ERC2: variants seen among roughly 807,000 people sequenced by gnomAD.
ERC2 encodes ERC protein 2.
In ERC2, 42 loss-of-function variants were observed where a neutral mutation model predicts 114.8. The ratio of observed to expected loss-of-function variants is 0.37; its 90% CI spans 0.29 to 0.47. The LOEUF (loss-of-function observed/expected upper bound fraction) is 0.47. Ranked by LOEUF, ERC2 falls within the 20% of genes least tolerant of loss-of-function variation. The pLI, the probability that ERC2 is intolerant of heterozygous loss-of-function variation, is 0.99. For synonymous variants in ERC2, 454 were observed against 425.5 expected (o/e 1.07, Z -0.82); for missense variants, 939 against 1,150.7 (o/e 0.82, Z 2.66).
intron 2 of ERC2, among the ~76,000 whole-genome samples, chr3:56,431,574 AAGTTTGTT>A (rs1015721908): frequency 2.0e-5 from 3 of 152,208 alleles, no homozygotes; most frequent in African/African-American, 7.2e-5. Flanking sequence ...CTGAGATTTG[AAGTTTGTT>A]AGTTACTGCA....
At chr3:56,012,393 G>A (rs576426854) in intron 8 of ERC2, among the ~76,000 whole-genome samples, 1 of 152,112 alleles carries the variant, frequency 6.6e-6, no homozygotes, top group Non-Finnish European at 1.5e-5. Context: ...CCACTCGGCA[G>A]CCTTCACGTG....
At chr3:55,574,839 G>T in intron 17 of ERC2, among the ~76,000 whole-genome samples, 1 of 152,112 alleles carries the variant, frequency 6.6e-6, no homozygotes, top group East Asian at 1.9e-4. Context: ...GTGCCCTCCA[G>T]ACACAGGCCA....
chr3:55,650,185 C>T (rs1256527353), intron 17 of ERC2, among the ~76,000 whole-genome samples: 4 of 152,206 alleles, frequency 2.6e-5, no homozygotes, highest in Non-Finnish European at 5.9e-5. Context: ...ACCACTGAAA[C>T]GCCCACCCCA....
chr3:55,854,103 C>T (rs909624938), intron 14 of ERC2, among the ~76,000 whole-genome samples: 12 of 151,988 alleles, frequency 7.9e-5, no homozygotes, highest in African/African-American at 2.9e-4. Flanking sequence ...GGTAAAAACC[C>T]GTCGCTACTA....
At chr3:56,221,994 A>C (rs1391495895) in intron 3 of ERC2, among the ~76,000 whole-genome samples, 1 of 152,242 alleles carries the variant, frequency 6.6e-6, no homozygotes, top group Non-Finnish European at 1.5e-5. Flanking sequence ...TTAAAAAATA[A>C]AAACTGAGGA....
intron 17 of ERC2, among the ~76,000 whole-genome samples, chr3:55,583,991 T>A (rs2057460546): frequency 6.6e-6 from 1 of 152,174 alleles, no homozygotes; most frequent in African/African-American, 2.4e-5. Flanking sequence ...GTTAAGTCAC[T>A]CAAGCCTCAG....
At chr3:56,005,252 A>T (rs1271057265) in intron 10 of ERC2, among the ~76,000 whole-genome samples, 2 of 152,070 alleles carry the variant, frequency 1.3e-5, no homozygotes, top group Non-Finnish European at 2.9e-5. Flanking sequence ...CAGCAAGACA[A>T]CCATATTTGT....
intron 3 of ERC2, among the ~76,000 whole-genome samples, chr3:56,206,353 A>G (rs1381133216): frequency 6.6e-6 from 1 of 152,170 alleles, no homozygotes; most frequent in African/African-American, 2.4e-5. Context: ...TTTTCCAATG[A>G]TGAAGACACC....
At position 55,627,159 on chromosome 3, in the gene ERC2, A is replaced by G. The variant is rs1055841284; in HGVS notation, c.*39+56635T>C. On this transcript the variant is annotated intron_variant, in intron 17 of 17. Transcript: ENST00000288221. ...TCAGCTCCACAAAACTGTTGGGTCCACTCTTTCTTCAGAAATTTCTTCTTT... is the reference window on the plus strand; with the variant it reads ...TCAGCTCCACAAAACTGTTGGGTCCGCTCTTTCTTCAGAAATTTCTTCTTT... 2.6e-5 allele frequency among the ~76,000 whole-genome samples: 4 copies of G among 152,096 alleles called. No individual in the cohort carries two copies. In the South Asian group the frequency reaches 8.3e-4, roughly 32 times the overall value.
At chr3:55,875,880 G>A (rs2062812955) in intron 14 of ERC2, among the ~76,000 whole-genome samples, 1 of 151,768 alleles carries the variant, frequency 6.6e-6, no homozygotes, top group Non-Finnish European at 1.5e-5. Flanking sequence ...AACAGGGATA[G>A]GAAAGGGGGA....
chr3:55,959,340 C>G lies in ERC2; in HGVS notation c.2268-8780G>C, dbSNP rs906263858. On this transcript the variant is annotated intron_variant, in intron 12 of 17. Transcript: ENST00000288221. ...CCTCCCCCAAATATGGATGTAACAC[C>G]ACCTTAAATGTAAACAGAACCCAGT... 4.6e-5 allele frequency among the ~76,000 whole-genome samples: 7 copies of G among 152,140 alleles called. No individual in the cohort carries two copies. In the South Asian group the frequency reaches 1.2e-3, roughly 27 times the overall value.
chr3:55,765,698 A>G (rs1273242434), intron 14 of ERC2, among the ~76,000 whole-genome samples: 1 of 152,194 alleles, frequency 6.6e-6, no homozygotes, highest in African/African-American at 2.4e-5. Context: ...TCATGCAGAT[A>G]CGATATTAAT....
At chr3:55,712,992 A>G (rs1195775724) in intron 15 of ERC2, among the ~76,000 whole-genome samples, 3 of 151,976 alleles carry the variant, frequency 2.0e-5, no homozygotes, top group Non-Finnish European at 4.4e-5. Context: ...AAAAATAAGT[A>G]ATATACTCTT....
chr3:55,936,213 T>A (rs2066435128), intron 13 of ERC2, among the ~76,000 whole-genome samples: 1 of 152,174 alleles, frequency 6.6e-6, no homozygotes, highest in Non-Finnish European at 1.5e-5. Flanking sequence ...AGTCCTTCTC[T>A]CCTGCATGCT....
chr3:55,699,045 A>C (rs2063087039), intron 16 of ERC2, among the ~76,000 whole-genome samples: 1 of 152,194 alleles, frequency 6.6e-6, no homozygotes, highest in Non-Finnish European at 1.5e-5. Flanking sequence ...TCATGGAAAC[A>C]AAGTGCTTTC....
intron 7 of ERC2, among the ~76,000 whole-genome samples, chr3:56,060,116 C>T (rs564787256): frequency 2.6e-5 from 4 of 152,280 alleles, no homozygotes; most frequent in African/African-American, 9.6e-5. Context: ...AAAAAATTAT[C>T]TTAGAATGAG....
In ERC2 at chr3:55,554,525, T is replaced by G. The variant is rs1267849787; in HGVS notation, c.*40-43249A>C. Among the ~76,000 whole-genome samples, 3 of 152,174 alleles carry G rather than the reference T, an allele frequency of 2.0e-5. No individual in the cohort carries two copies. In the East Asian group the frequency reaches 5.8e-4, roughly 29 times the overall value. ...AACTCTGACAAGAGACACAGGCCTG[T>G]TTTTAGGAGACACCAAATGGATGAT... is the stretch of plus-strand genomic sequence containing the variant. On this transcript the variant is annotated intron_variant, in intron 17 of 17. Coordinates refer to ENST00000288221, the MANE Select transcript of ERC2 (RefSeq NM_015576.3).
At chr3:56,222,717 T>C (rs2049996424) in intron 3 of ERC2, among the ~76,000 whole-genome samples, 1 of 152,208 alleles carries the variant, frequency 6.6e-6, no homozygotes, top group East Asian at 1.9e-4. Context: ...TCAACAAATA[T>C]TGAATAGATG....
At chr3:56,230,792 C>T (rs2050569838) in intron 3 of ERC2, among the ~76,000 whole-genome samples, 1 of 152,096 alleles carries the variant, frequency 6.6e-6, no homozygotes, top group Non-Finnish European at 1.5e-5. Context: ...AAAATTGTGT[C>T]AAAAAATGAA....
Sources: allele counts gnomAD v4.1 joint callset (sites outside exome capture counted in the v4.1 genomes callset), GRCh38; gene constraint gnomAD v4.1.1; transcripts MANE v1.5; gene names NCBI Gene and HGNC (gene_info 2026-07-23, HGNC 2026-07-21).